Variants in CTNND2 observed in about 807,000 individuals in gnomAD.
The protein encoded by CTNND2 is catenin delta 2.
CTNND2 carries 22 observed loss-of-function variants against 144.4 expected under a neutral mutation model. That is an observed-to-expected ratio of 0.15 (90% CI 0.11 to 0.22). The LOEUF is 0.22. Ranked by LOEUF, CTNND2 falls within the 10% of genes least tolerant of loss-of-function variation. The pLI is 1.00. For missense variants in CTNND2, 1,353 were observed against 1,618.8 expected (o/e 0.84, Z 2.82); for synonymous variants, 751 against 695.6 (o/e 1.08, Z -1.25).
At chr5:11,887,204 T>C (rs1310447373) in intron 1 of CTNND2, among the ~76,000 whole-genome samples, 2 of 151,968 alleles carry the variant, frequency 1.3e-5, no homozygotes, top group Admixed American at 6.6e-5. Flanking sequence ...AGAATGGTCT[T>C]GATCTTCTGA....
At chr5:11,295,057 T>C (rs1748762653) in intron 9 of CTNND2, among the ~76,000 whole-genome samples, 1 of 152,218 alleles carries the variant, frequency 6.6e-6, no homozygotes, top group Non-Finnish European at 1.5e-5. Flanking sequence ...TGTTTGCAGA[T>C]GACATGACTA....
At chr5:11,655,106 C>T (rs1262472217) in intron 2 of CTNND2, among the ~76,000 whole-genome samples, 1 of 151,946 alleles carries the variant, frequency 6.6e-6, no homozygotes, top group Non-Finnish European at 1.5e-5. Flanking sequence ...TTTAGTTTTT[C>T]AACATTCAAA....
intron 16 of CTNND2, among the ~76,000 whole-genome samples, chr5:11,071,555 ATT>A (rs1052283984): frequency 7.0e-6 from 1 of 142,714 alleles, no homozygotes; most frequent in African/African-American, 2.6e-5. Context: ...GTCTTCAAAA[ATT>A]TTTTTTTCAA....
chr5:11,587,938 T>C (rs1778981784), intron 2 of CTNND2, among the ~76,000 whole-genome samples: 1 of 152,012 alleles, frequency 6.6e-6, no homozygotes. Context: ...TTAACTACAG[T>C]GGTGGCACAG....
intron 5 of CTNND2, among the ~76,000 whole-genome samples, chr5:11,403,910 C>T (rs1257363295): frequency 6.6e-6 from 1 of 152,180 alleles, no homozygotes; most frequent in African/African-American, 2.4e-5. Flanking sequence ...GCATTTCTTT[C>T]AGGTCTCTGA....
intron 16 of CTNND2, among the ~76,000 whole-genome samples, chr5:11,055,971 C>T (rs1746312141): frequency 6.6e-6 from 1 of 152,172 alleles, no homozygotes; most frequent in Non-Finnish European, 1.5e-5. Context: ...AACAAAATCC[C>T]ATGGTCACGG....
rs79725160 is a variant in CTNND2, at chr5:11,878,649, G to A, written c.37+25168C>T. On this transcript the variant is annotated intron_variant, in intron 1 of 21. Transcript: ENST00000304623. The stretch of plus-strand genomic sequence containing the variant: ...GTTTGCAGTGTAAGATCCACTGACC[G>A]TGAAATTCGGTGTCTACACCTTTTC... 1.8e-3 allele frequency among the ~76,000 whole-genome samples: 278 copies of A among 152,282 alleles called. 7 individuals carry two copies. In the East Asian group the frequency reaches 0.042, roughly 23 times the overall value.
At chr5:11,300,284 C>A (rs1357198302) in intron 9 of CTNND2, among the ~76,000 whole-genome samples, 2 of 152,148 alleles carry the variant, frequency 1.3e-5, no homozygotes, top group Non-Finnish European at 2.9e-5. Flanking sequence ...CCCTCCTCCA[C>A]TGAAAAACAG....
intron 2 of CTNND2, among the ~76,000 whole-genome samples, chr5:11,568,294 A>T (rs967657256): frequency 1.3e-5 from 2 of 151,998 alleles, no homozygotes; most frequent in Non-Finnish European, 2.9e-5. Context: ...AACTCCCTGG[A>T]CTCTCAGCAC....
chr5:11,868,734 G>C (rs1032982250), intron 1 of CTNND2, among the ~76,000 whole-genome samples: 2 of 152,044 alleles, frequency 1.3e-5, no homozygotes, highest in Admixed American at 1.3e-4. Context: ...TGATGGCTTT[G>C]TAAGAAGAGG....
chr5:11,353,467 T>G (rs929649662), intron 8 of CTNND2, among the ~76,000 whole-genome samples: 1 of 152,190 alleles, frequency 6.6e-6, no homozygotes, highest in Admixed American at 6.5e-5. Context: ...TGATATAGAG[T>G]GTCACTGCTT....
intron 10 of CTNND2, among the ~76,000 whole-genome samples, chr5:11,229,978 A>G (rs1161614641): frequency 2.0e-5 from 3 of 151,990 alleles, no homozygotes; most frequent in Non-Finnish European, 4.4e-5. Context: ...TGCACTTAGT[A>G]TCCCCAAATC....
rs561166615 is a variant in CTNND2 at position 11,346,553 on chromosome 5, C to A, written c.1447G>T (p.Ala483Ser). The change falls in exon 9 of 22, where the codon GCG becomes TCG. Residue 483 changes from alanine (A) to serine (S), a missense_variant. Ala to Ser is a moderately conservative substitution (Grantham distance 99, BLOSUM62 1). Around this residue, in one of 4 missense-constraint regions of CTNND2, gnomAD observed 708 missense variants for 706.4 expected, o/e 1.00. Transcript: ENST00000304623. ...TAGCTGGCCCTCTGGAAGGTGGCCG[C>A]GGCGGCATTCTGTGGGCCGTGCTGG... is the stretch of plus-strand genomic sequence containing the variant. The part of the protein sequence containing the change: ...GSQHGPQNAA[A>S]ATFQRASYAA... 2 of 1,603,326 alleles carry A rather than the reference C, an allele frequency of 1.2e-6. No homozygotes were observed. Among genetic ancestry groups the A allele is most frequent in the Middle Eastern group, 1.7e-4 (1 of 6,060 alleles).
intron 3 of CTNND2, among the ~76,000 whole-genome samples, chr5:11,539,625 C>T (rs1306414966): frequency 6.6e-6 from 1 of 152,176 alleles, no homozygotes; most frequent in African/African-American, 2.4e-5. Flanking sequence ...AGCCATGGGT[C>T]CTGCCAATGG....
chr5:11,676,234 A>G (rs1784167497), intron 2 of CTNND2, among the ~76,000 whole-genome samples: 1 of 152,120 alleles, frequency 6.6e-6, no homozygotes, highest in Admixed American at 6.5e-5. Flanking sequence ...AGAGACAACC[A>G]TTATTAGGTT....
At chr5:11,457,603 C>G (rs1023842114) in intron 3 of CTNND2, among the ~76,000 whole-genome samples, 1 of 152,088 alleles carries the variant, frequency 6.6e-6, no homozygotes. Flanking sequence ...TCTGTATACT[C>G]CTTGATTCTT....
At chr5:11,230,380 C>A (rs1740873909) in intron 10 of CTNND2, among the ~76,000 whole-genome samples, 2 of 131,226 alleles carry the variant, frequency 1.5e-5, no homozygotes, top group East Asian at 2.3e-4. Flanking sequence ...AAAAAAAAAT[C>A]CGCAAAAGTT....
chr5:11,492,425 A>C (rs1769483569), intron 3 of CTNND2, among the ~76,000 whole-genome samples: 1 of 151,980 alleles, frequency 6.6e-6, no homozygotes, highest in African/African-American at 2.4e-5. Flanking sequence ...ATGCATATGT[A>C]GATATCTGTA....
intron 3 of CTNND2, among the ~76,000 whole-genome samples, chr5:11,558,260 C>T (rs796933692): frequency 3.9e-5 from 6 of 152,122 alleles, no homozygotes; most frequent in African/African-American, 1.4e-4. Flanking sequence ...GTCAAGGTCA[C>T]GTACAGAAAG....
Sources: allele counts gnomAD v4.1 joint callset (sites outside exome capture counted in the v4.1 genomes callset), GRCh38; gene constraint gnomAD v4.1.1; regional missense constraint gnomAD v4.1.1; transcripts MANE v1.5; gene names NCBI Gene and HGNC (gene_info 2026-07-23, HGNC 2026-07-21).